Variants in KIFAP3 observed in about 807,000 individuals in gnomAD.
KIFAP3 encodes kinesin-associated protein 3.
A neutral mutation model predicts 106.5 loss-of-function variants in KIFAP3; 68 were observed. The ratio of observed to expected loss-of-function variants is 0.64; its 90% CI spans 0.53 to 0.78. The LOEUF (loss-of-function observed/expected upper bound fraction) is 0.78. Ranked by LOEUF, KIFAP3 falls within the 30% of genes least tolerant of loss-of-function variation. KIFAP3 has a pLI of 0.00. For missense variants in KIFAP3, 780 were observed against 941.8 expected (o/e 0.83, Z 2.25); for synonymous variants, 320 against 311.5 (o/e 1.03, Z -0.29).
chr1:170,027,647 TAAAC>T (rs1450618307), intron 8 of KIFAP3, among the ~76,000 whole-genome samples: 5 of 151,932 alleles, frequency 3.3e-5, no homozygotes, highest in Admixed American at 1.3e-4. Context: ...TATCCAAAAT[TAAAC>T]AGACAGAAAA....
intron 19 of KIFAP3, among the ~76,000 whole-genome samples, chr1:169,929,698 T>C (rs1023100774): frequency 6.6e-6 from 1 of 152,132 alleles, no homozygotes; most frequent in Non-Finnish European, 1.5e-5. Context: ...TTTATTACAA[T>C]AAAACTAAAT....
At chr1:169,930,818 G>T (rs1663421859) in intron 19 of KIFAP3, among the ~76,000 whole-genome samples, 1 of 151,130 alleles carries the variant, frequency 6.6e-6, no homozygotes, top group Non-Finnish European at 1.5e-5. Flanking sequence ...TTACATTTTT[G>T]TCCACCATTT....
At position 169,921,673 on chromosome 1, in the gene KIFAP3, T is replaced by TG; in HGVS notation, c.*2_*3insC. ...GAGATTACACATGGAAACAGATACT[T>TG]TATCAAGATCCATAGCCATAGTAGT... On this transcript the variant is annotated 3_prime_UTR_variant, in exon 20 of 20. Transcript: ENST00000361580. 1 of 1,607,142 alleles carries TG rather than the reference T, an allele frequency of 6.2e-7. No homozygotes were observed. Among genetic ancestry groups the TG allele is most frequent in the Non-Finnish European group, 8.5e-7 (1 of 1,173,834 alleles).
At chr1:169,994,298 C>A (rs1348182927) in intron 10 of KIFAP3, among the ~76,000 whole-genome samples, 3 of 152,158 alleles carry the variant, frequency 2.0e-5, no homozygotes, top group African/African-American at 7.2e-5. Context: ...GGTTATGTTA[C>A]AATACTACTC....
chr1:169,971,319 G>A (rs1396530377), intron 17 of KIFAP3, among the ~76,000 whole-genome samples: 2 of 151,862 alleles, frequency 1.3e-5, no homozygotes, highest in African/African-American at 4.8e-5. Context: ...ATGCAACAAT[G>A]GCACTGTGAT....
intron 5 of KIFAP3, among the ~76,000 whole-genome samples, chr1:170,036,242 T>C (rs1669687550): frequency 1.3e-5 from 2 of 152,080 alleles, no homozygotes. Flanking sequence ...CTTAAAATAA[T>C]TAAAATATCT....
intron 1 of KIFAP3, chr1:170,067,525 C>A (rs950002560): frequency 3.9e-5 from 6 of 152,288 alleles, no homozygotes; most frequent in African/African-American, 1.4e-4. Context: ...ACCCCACTCT[C>A]AAGCACAGTG....
At chr1:169,962,633 C>T (rs1665399180) in intron 17 of KIFAP3, among the ~76,000 whole-genome samples, 1 of 151,984 alleles carries the variant, frequency 6.6e-6, no homozygotes, top group African/African-American at 2.4e-5. Context: ...TAGTTAAATG[C>T]TAAGCAATTT....
At chr1:169,971,075 T>C (rs2101887175) in intron 17 of KIFAP3, among the ~76,000 whole-genome samples, 1 of 152,188 alleles carries the variant, frequency 6.6e-6, no homozygotes, top group South Asian at 2.1e-4. Flanking sequence ...TATTTTTAGA[T>C]GAAGGCTGAG....
At chr1:170,075,920 G>GT (rs1163592671), upstream of KIFAP3, among the ~76,000 whole-genome samples, 2 of 151,612 alleles carry the variant, frequency 1.3e-5, no homozygotes, top group East Asian at 3.9e-4. Flanking sequence ...CCTATTTTTT[G>GT]TTTTTCTAAA....
At chr1:170,048,698 C>A (rs751789973) in intron 2 of KIFAP3, among the ~76,000 whole-genome samples, 1 of 151,378 alleles carries the variant, frequency 6.6e-6, no homozygotes, top group South Asian at 2.1e-4. Flanking sequence ...CAAGCAGAAG[C>A]GGGGTGGCGG....
At chr1:169,972,684 C>G in intron 16 of KIFAP3, 86 bp from the exon 17 acceptor site, 1 of 594,988 alleles carries the variant, frequency 1.7e-6, no homozygotes, top group Non-Finnish European at 2.8e-6. Context: ...TTTTCTAAAT[C>G]TAAATTCTAA....
At chr1:169,975,076 T>C (rs1666156941) in intron 16 of KIFAP3, among the ~76,000 whole-genome samples, 1 of 152,146 alleles carries the variant, frequency 6.6e-6, no homozygotes, top group Non-Finnish European at 1.5e-5. Context: ...CTGTATTTTC[T>C]GTTTTTTATT....
At chr1:169,947,074 T>C (rs1272294307) in intron 19 of KIFAP3, among the ~76,000 whole-genome samples, 1 of 151,990 alleles carries the variant, frequency 6.6e-6, no homozygotes, top group Non-Finnish European at 1.5e-5. Context: ...CATATAGTAC[T>C]ATTTCTTATG....
intron 19 of KIFAP3, among the ~76,000 whole-genome samples, chr1:169,932,279 C>T (rs887647310): frequency 6.6e-6 from 1 of 151,966 alleles, no homozygotes; most frequent in East Asian, 1.9e-4. Context: ...GGGCAAGAGA[C>T]TATTAAGTAC....
At chr1:170,035,336 G>T in intron 6 of KIFAP3, 118 bp downstream of exon 6, 1 of 571,434 alleles carries the variant, frequency 1.7e-6, no homozygotes, top group Non-Finnish European at 3.1e-6. Context: ...CAGCAGTAGA[G>T]CATAGGCAGA....
intron 6 of KIFAP3, 130 bp downstream of exon 6, chr1:170,035,324 T>C: frequency 1.9e-6 from 1 of 513,746 alleles, no homozygotes; most frequent in South Asian, 3.2e-5. Context: ...GGAATAAGAA[T>C]TCAGCAGTAG....
At chr1:170,014,390 T>C (rs1668402910) in intron 10 of KIFAP3, among the ~76,000 whole-genome samples, 1 of 152,234 alleles carries the variant, frequency 6.6e-6, no homozygotes, top group Non-Finnish European at 1.5e-5. Flanking sequence ...AACTTATTGT[T>C]CCTCCTACTG....
chr1:169,923,446 G>A (rs1394924245), intron 19 of KIFAP3, among the ~76,000 whole-genome samples: 3 of 152,158 alleles, frequency 2.0e-5, no homozygotes, highest in African/African-American at 2.4e-5. Context: ...AAGTAATCAT[G>A]TATCTAAAGA....
Sources: allele counts gnomAD v4.1 joint callset (sites outside exome capture counted in the v4.1 genomes callset), GRCh38; gene constraint gnomAD v4.1.1; transcripts MANE v1.5; gene names NCBI Gene and HGNC (gene_info 2026-07-23, HGNC 2026-07-21).